Variants in OPCML observed in about 807,000 individuals in gnomAD.
OPCML encodes opioid-binding protein/cell adhesion molecule.
Under a neutral mutation model 37.8 loss-of-function variants are expected in OPCML, and 13 were observed. The ratio of observed to expected loss-of-function variants is 0.34; its 90% confidence interval spans 0.22 to 0.55. The LOEUF is 0.55. Ranked by LOEUF, OPCML falls within the 20% of genes least tolerant of loss-of-function variation. The pLI is 0.91. For missense variants in OPCML, 341 were observed against 435.6 expected (o/e 0.78, Z 1.93); for synonymous variants, 176 against 168.8 (o/e 1.04, Z -0.33).
intron 2 of OPCML, among the ~76,000 whole-genome samples, chr11:132,834,198 AG>A (rs1421605059): frequency 6.6e-6 from 1 of 152,196 alleles, no homozygotes; most frequent in Non-Finnish European, 1.5e-5. Context: ...CTATTGAGAG[AG>A]GAGATAGAGC....
intron 7 of OPCML, among the ~76,000 whole-genome samples, chr11:132,423,028 A>G (rs2136660725): frequency 6.6e-6 from 1 of 152,286 alleles, no homozygotes; most frequent in East Asian, 1.9e-4. Flanking sequence ...TCTCTGAGTT[A>G]TTACATGAAT....
intron 2 of OPCML, among the ~76,000 whole-genome samples, chr11:132,797,571 CATT>C (rs1273376637): frequency 2.0e-5 from 3 of 152,060 alleles, no homozygotes; most frequent in African/African-American, 7.2e-5. Flanking sequence ...TGCAAATAAA[CATT>C]ATGTTTATAA....
intron 1 of OPCML, among the ~76,000 whole-genome samples, chr11:133,302,866 T>C (rs966946480): frequency 1.3e-5 from 2 of 152,202 alleles, no homozygotes; most frequent in African/African-American, 2.4e-5. Context: ...GATGTAGTGA[T>C]GCAAATTCAT....
chr11:132,913,768 C>T (rs553409920), intron 2 of OPCML, among the ~76,000 whole-genome samples: 23 of 152,282 alleles, frequency 1.5e-4, no homozygotes, highest in African/African-American at 5.3e-4. Context: ...AGGGCACATA[C>T]CCTCATTCTT....
chr11:132,801,381 C>T (rs1342339028), intron 2 of OPCML, among the ~76,000 whole-genome samples: 1 of 152,066 alleles, frequency 6.6e-6, no homozygotes, highest in African/African-American at 2.4e-5. Flanking sequence ...CATTTTATGA[C>T]TTTTTTACCA....
intron 1 of OPCML, among the ~76,000 whole-genome samples, chr11:133,279,226 C>G (rs1468186137): frequency 6.6e-6 from 1 of 152,200 alleles, no homozygotes; most frequent in Non-Finnish European, 1.5e-5. Context: ...ACCAATCTCC[C>G]CATCTCACAA....
chr11:133,059,705 A>G (rs1948304714), intron 1 of OPCML, among the ~76,000 whole-genome samples: 1 of 152,250 alleles, frequency 6.6e-6, no homozygotes, highest in South Asian at 2.1e-4. Context: ...GATTGTCTCA[A>G]GAAAACATTC....
chr11:133,486,237 C>T (rs1947523316), intron 1 of OPCML, among the ~76,000 whole-genome samples: 1 of 152,154 alleles, frequency 6.6e-6, no homozygotes, highest in Non-Finnish European at 1.5e-5. Context: ...TAGAACATTA[C>T]CACAAATGAC....
At chr11:133,227,931 C>T (rs1016441354) in intron 1 of OPCML, among the ~76,000 whole-genome samples, 29 of 152,182 alleles carry the variant, frequency 1.9e-4, no homozygotes, top group African/African-American at 7.0e-4. Flanking sequence ...GCCCAGAGCG[C>T]GACATGACCA....
chr11:132,464,131 G>C (rs1263274898), intron 4 of OPCML, among the ~76,000 whole-genome samples: 4 of 152,168 alleles, frequency 2.6e-5, no homozygotes, highest in African/African-American at 9.7e-5. Flanking sequence ...CTTCCCAGCA[G>C]ATGGAGAAGA....
At chr11:133,330,463 T>G (rs1033079737) in intron 1 of OPCML, among the ~76,000 whole-genome samples, 8 of 152,012 alleles carry the variant, frequency 5.3e-5, no homozygotes, top group Non-Finnish European at 8.8e-5. Context: ...TAGACTGGAT[T>G]AAGAAAATGT....
intron 2 of OPCML, among the ~76,000 whole-genome samples, chr11:132,887,708 G>C (rs900066544): frequency 9.2e-5 from 14 of 152,214 alleles, no homozygotes; most frequent in Non-Finnish European, 1.9e-4. Flanking sequence ...AAATATGAGA[G>C]AAACAGGTAG....
chr11:133,144,968 G>A (rs1949877355), intron 1 of OPCML, among the ~76,000 whole-genome samples: 1 of 152,186 alleles, frequency 6.6e-6, no homozygotes, highest in Non-Finnish European at 1.5e-5. Context: ...GCTACTTTGT[G>A]GGCATCTAGG....
chr11:132,424,049 G>A (rs1351873118), intron 7 of OPCML, among the ~76,000 whole-genome samples: 1 of 151,814 alleles, frequency 6.6e-6, no homozygotes, highest in Non-Finnish European at 1.5e-5. Flanking sequence ...AAACCCAGAT[G>A]TTTGTATTTA....
intron 2 of OPCML, among the ~76,000 whole-genome samples, chr11:132,927,260 T>A (rs561997691): frequency 5.9e-5 from 9 of 152,050 alleles, no homozygotes; most frequent in Non-Finnish European, 1.3e-4. Flanking sequence ...TATAAAAAAA[T>A]GTCAAAGACC....
Position 133,205,905 on chromosome 11 carries a change from G to A in OPCML, c.62-262895C>T, listed in dbSNP as rs541222411. ...AGTGCAATGGCAAAGTGGGGGCCAG[G>A]GTTCACAATCTGTCTCCAAATCCCA... On this transcript the variant is annotated intron_variant, in intron 1 of 7. Transcript: ENST00000524381. The surrounding 1 kb of genome is among the most constrained non-coding windows in gnomAD (Gnocchi z 4.8). Among the ~76,000 whole-genome samples, 1 of 152,074 alleles carries A rather than the reference G, an allele frequency of 6.6e-6. No individual in the cohort carries two copies. Among genetic ancestry groups the A allele is most frequent in the Non-Finnish European group, 1.5e-5 (1 of 68,018 alleles).
chr11:132,758,048 A>G (rs1330310803), intron 2 of OPCML, among the ~76,000 whole-genome samples: 1 of 152,132 alleles, frequency 6.6e-6, no homozygotes, highest in Non-Finnish European at 1.5e-5. Context: ...CCATTTATTA[A>G]ATAGGGAATC....
chr11:133,263,029 A>G (rs190746652), intron 1 of OPCML, among the ~76,000 whole-genome samples: 35 of 151,840 alleles, frequency 2.3e-4, no homozygotes, highest in Non-Finnish European at 4.9e-4. Context: ...TAATGCAAGC[A>G]GAAGAGTGGT....
chr11:133,213,276 G>C (rs1939445477), intron 1 of OPCML, among the ~76,000 whole-genome samples: 1 of 135,510 alleles, frequency 7.4e-6, no homozygotes, highest in Non-Finnish European at 1.5e-5. Flanking sequence ...AAATTCTAAA[G>C]AAAACGTCCT....
Sources: allele counts gnomAD v4.1 joint callset (sites outside exome capture counted in the v4.1 genomes callset), GRCh38; gene constraint gnomAD v4.1.1; non-coding constraint Gnocchi (gnomAD v3.1); transcripts MANE v1.5; gene names NCBI Gene and HGNC (gene_info 2026-07-23, HGNC 2026-07-21).